Variants in CRTAC1 observed in about 807,000 individuals in gnomAD.
CRTAC1 encodes cartilage acidic protein 1.
Under a neutral mutation model 67.8 loss-of-function variants are expected in CRTAC1, and 37 were observed. The observed-to-expected ratio is 0.55, with a 90% CI of 0.42 to 0.72. CRTAC1 has a LOEUF of 0.72. CRTAC1 is among the 30% of genes least tolerant of loss of function. CRTAC1 has a pLI of 0.00. For synonymous variants in CRTAC1, 348 were observed against 371.0 expected (o/e 0.94, Z 0.71); for missense variants, 780 against 931.6 (o/e 0.84, Z 2.12).
At chr10:98,009,844 T>C (rs1330300355) in intron 2 of CRTAC1, among the ~76,000 whole-genome samples, 1 of 152,182 alleles carries the variant, frequency 6.6e-6, no homozygotes, top group Non-Finnish European at 1.5e-5. Context: ...GCCTTGGGGT[T>C]CAGATCCCGA....
chr10:98,023,404 T>G (rs1172442329), intron 1 of CRTAC1, among the ~76,000 whole-genome samples: 4 of 152,210 alleles, frequency 2.6e-5, no homozygotes, highest in Non-Finnish European at 5.9e-5. Flanking sequence ...TACTCATTTG[T>G]GCACCCACTG....
chr10:97,884,878 G>A (rs1786589037), intron 11 of CRTAC1, among the ~76,000 whole-genome samples: 1 of 152,166 alleles, frequency 6.6e-6, no homozygotes, highest in African/African-American at 2.4e-5. Context: ...GAAAGAGCAT[G>A]GTGGGAAGTG....
intron 1 of CRTAC1, among the ~76,000 whole-genome samples, chr10:98,013,086 G>A (rs117700517): frequency 7.9e-5 from 12 of 152,170 alleles, no homozygotes; most frequent in Admixed American, 2.0e-4. Flanking sequence ...TCGACATGCC[G>A]AAATGTAGCA....
At chr10:97,931,762 AG>A (rs35573600) in intron 3 of CRTAC1, among the ~76,000 whole-genome samples, 1 of 152,202 alleles carries the variant, frequency 6.6e-6, no homozygotes, top group African/African-American at 2.4e-5. Flanking sequence ...TTGTTACCCC[AG>A]GCCAGCTCAT....
chr10:97,987,647 A>G (rs1296668031), intron 2 of CRTAC1, among the ~76,000 whole-genome samples: 1 of 152,254 alleles, frequency 6.6e-6, no homozygotes, highest in Non-Finnish European at 1.5e-5. Context: ...ACTTTCCTAC[A>G]GAAATTCAAA....
chr10:97,997,412 C>A, intron 2 of CRTAC1, among the ~76,000 whole-genome samples: 1 of 141,252 alleles, frequency 7.1e-6, no homozygotes. Context: ...GAGATACTGC[C>A]ACTGCACTCC....
chr10:97,900,237 T>C (rs1159747316), intron 8 of CRTAC1, among the ~76,000 whole-genome samples: 1 of 152,190 alleles, frequency 6.6e-6, no homozygotes, highest in Non-Finnish European at 1.5e-5. Flanking sequence ...ACCCTTTTCC[T>C]TGTCTACCAG....
intron 4 of CRTAC1, among the ~76,000 whole-genome samples, chr10:97,918,582 C>T (rs2050791330): frequency 6.6e-6 from 1 of 152,186 alleles, no homozygotes; most frequent in Non-Finnish European, 1.5e-5. Flanking sequence ...GTACTTAAGA[C>T]AAAGTCCCTG....
chr10:97,928,493 C>A (rs78178543), intron 3 of CRTAC1, among the ~76,000 whole-genome samples: 2,334 of 152,356 alleles, frequency 0.015, 71 homozygotes, highest in African/African-American at 0.053. Flanking sequence ...TTCTCATTAA[C>A]CCTCACCAAA....
intron 1 of CRTAC1, among the ~76,000 whole-genome samples, chr10:98,028,112 G>A (rs1010669721): frequency 3.3e-5 from 5 of 152,184 alleles, no homozygotes; most frequent in Non-Finnish European, 1.5e-5. Context: ...AAGCACAAAG[G>A]AATGATCCCC....
chr10:97,929,917 GA>G (rs2050978012), intron 3 of CRTAC1, among the ~76,000 whole-genome samples: 1 of 152,198 alleles, frequency 6.6e-6, no homozygotes, highest in African/African-American at 2.4e-5. Flanking sequence ...GGCTCCAGGG[GA>G]AGAAAGAACT....
intron 2 of CRTAC1, among the ~76,000 whole-genome samples, chr10:98,009,362 C>T (rs1318053168): frequency 6.6e-6 from 1 of 152,152 alleles, no homozygotes. Context: ...TTCTGGATAG[C>T]ACACCAATCT....
At chr10:97,880,425 G>A (rs916725294) in intron 13 of CRTAC1, 33 bp from the exon 14 acceptor site, 19 of 1,603,470 alleles carry the variant, frequency 1.2e-5, no homozygotes, top group Non-Finnish European at 1.5e-5. Flanking sequence ...CACCATGAAG[G>A]TGTGGGGCAG....
intron 2 of CRTAC1, among the ~76,000 whole-genome samples, chr10:97,974,168 T>C (rs2051760124): frequency 1.3e-5 from 2 of 152,108 alleles, no homozygotes; most frequent in African/African-American, 4.8e-5. Flanking sequence ...CGTTTTCTCT[T>C]AAGTCACAAC....
intron 8 of CRTAC1, among the ~76,000 whole-genome samples, chr10:97,899,803 A>G (rs975957040): frequency 6.6e-6 from 1 of 152,172 alleles, no homozygotes; most frequent in Non-Finnish European, 1.5e-5. Flanking sequence ...GATCTGGCCC[A>G]TGTCCTGGAT....
chr10:97,865,996 C>T, intron 14 of CRTAC1: 1 of 423,132 alleles, frequency 2.4e-6, no homozygotes. Flanking sequence ...GTGGGGAGAA[C>T]ACAACCTAGG....
intron 3 of CRTAC1, among the ~76,000 whole-genome samples, chr10:97,928,202 G>T (rs1288123944): frequency 3.4e-5 from 2 of 58,592 alleles, no homozygotes; most frequent in East Asian, 6.8e-4. Context: ...AGACTTGAAG[G>T]TCTCAGAGTC....
chr10:97,869,583 G>A (rs753344371), intron 14 of CRTAC1: 4 of 152,402 alleles, frequency 2.6e-5, no homozygotes, highest in East Asian at 1.9e-4. Context: ...GCCACAGGGC[G>A]GGTGTGTGTG....
chr10:97,917,671 A>T lies in CRTAC1; in HGVS notation c.559-15T>A. On this transcript the variant is annotated splice_polypyrimidine_tract_variant and intron_variant, in intron 4 of 14. Transcript: ENST00000370597. ...CGTCCAGAGCCCTGAGGAAGAAGGG[A>T]AGGGAGAGGTGAGCAGGGCCACCTT... 1 of 1,528,860 alleles carries T rather than the reference A, an allele frequency of 6.5e-7. No individual in the cohort carries two copies. Among genetic ancestry groups the T allele is most frequent in the Non-Finnish European group, 8.9e-7 (1 of 1,126,568 alleles). 94.7% of individuals were successfully genotyped at this position (1,528,860 alleles called of 1,614,324 possible).
Sources: allele counts gnomAD v4.1 joint callset (sites outside exome capture counted in the v4.1 genomes callset), GRCh38; gene constraint gnomAD v4.1.1; transcripts MANE v1.5; gene names NCBI Gene and HGNC (gene_info 2026-07-23, HGNC 2026-07-21).